The following SCLT1 variants were observed in gnomAD, a reference collection of about 807,000 sequenced individuals.
SCLT1 encodes sodium channel-associated protein 1.
In SCLT1, 78 loss-of-function variants were observed where a neutral mutation model predicts 112.8. The ratio of observed to expected loss-of-function variants is 0.69; its 90% confidence interval spans 0.58 to 0.83. SCLT1 has a LOEUF of 0.83. Among genes scored for constraint, SCLT1 ranks in the 40% least tolerant of loss-of-function variants. The pLI is 0.00. For missense variants in SCLT1, 747 were observed against 770.4 expected, an observed-to-expected ratio of 0.97 and a Z score of 0.36; for synonymous variants, 257 against 254.7, an observed-to-expected ratio of 1.01 and a Z score of -0.09.
intron 1 of SCLT1, among the ~76,000 whole-genome samples, chr4:129,085,858 G>C (rs1326549600): frequency 6.6e-6 from 1 of 152,068 alleles, no homozygotes; most frequent in Non-Finnish European, 1.5e-5. Flanking sequence ...CCTATTGGAG[G>C]GTGAAGGGTG....
chr4:129,069,476 CT>C (rs1236863926), intron 2 of SCLT1, among the ~76,000 whole-genome samples: 1 of 147,524 alleles, frequency 6.8e-6, no homozygotes, highest in Non-Finnish European at 1.5e-5. Flanking sequence ...TGTACTTTGA[CT>C]ACTTTGTTAG....
chr4:128,908,564 A>T (rs1316497584), intron 18 of SCLT1, among the ~76,000 whole-genome samples: 1 of 152,056 alleles, frequency 6.6e-6, no homozygotes, highest in Non-Finnish European at 1.5e-5. Flanking sequence ...TCATGTGTTC[A>T]TTCATTTATT....
intron 5 of SCLT1, among the ~76,000 whole-genome samples, chr4:129,010,948 A>C (rs1744466448): frequency 6.6e-6 from 1 of 152,178 alleles, no homozygotes; most frequent in Non-Finnish European, 1.5e-5. Flanking sequence ...AGGACTTCCA[A>C]TACTATGTCA....
chr4:128,952,676 G>T, intron 14 of SCLT1, 93 bp downstream of exon 14: 1 of 805,684 alleles, frequency 1.2e-6, no homozygotes, highest in Non-Finnish European at 2.1e-6. Flanking sequence ...GGTTTAATAA[G>T]TATCTTTTGA....
At chr4:129,049,149 T>C (rs2125708137) in intron 2 of SCLT1, among the ~76,000 whole-genome samples, 1 of 152,002 alleles carries the variant, frequency 6.6e-6, no homozygotes, top group South Asian at 2.1e-4. Context: ...CAAAGGACTA[T>C]AAATCATGCT....
chr4:129,022,930 A>T (rs1745625482), intron 5 of SCLT1, among the ~76,000 whole-genome samples: 1 of 152,236 alleles, frequency 6.6e-6, no homozygotes, highest in Non-Finnish European at 1.5e-5. Flanking sequence ...GAAACTCATT[A>T]GACTAACAGC....
At chr4:129,021,014 G>A (rs1280062734) in intron 5 of SCLT1, among the ~76,000 whole-genome samples, 4 of 152,168 alleles carry the variant, frequency 2.6e-5, no homozygotes, top group East Asian at 1.9e-4. Context: ...CAAGACCAAC[G>A]CAGAAGGAAG....
chr4:128,947,750 T>C (rs1025023821), intron 15 of SCLT1, among the ~76,000 whole-genome samples: 8 of 152,220 alleles, frequency 5.3e-5, no homozygotes, highest in African/African-American at 1.9e-4. Flanking sequence ...GTTCTCCCTA[T>C]AGTTTTTCTG....
intron 1 of SCLT1, among the ~76,000 whole-genome samples, chr4:129,082,934 GT>G (rs1752069022): frequency 6.6e-6 from 1 of 152,086 alleles, no homozygotes; most frequent in East Asian, 1.9e-4. Context: ...ACTCATGCCT[GT>G]AATCCTAGCA....
chr4:128,931,085 A>G (rs571846318), intron 18 of SCLT1, among the ~76,000 whole-genome samples: 33 of 152,178 alleles, frequency 2.2e-4, no homozygotes, highest in Non-Finnish European at 4.1e-4. Context: ...AGGCATAGGC[A>G]TCTAAAAGCC....
intron 2 of SCLT1, among the ~76,000 whole-genome samples, chr4:129,051,021 G>A (rs1253209491): frequency 1.4e-5 from 2 of 140,168 alleles, no homozygotes; most frequent in Admixed American, 7.3e-5. Context: ...GTTTATTGAA[G>A]ATCAGATGGT....
intron 20 of SCLT1, among the ~76,000 whole-genome samples, chr4:128,888,211 GT>G (rs1225748538): frequency 8.7e-4 from 125 of 144,050 alleles, no homozygotes; most frequent in Middle Eastern, 3.6e-3. Context: ...TGTCTTTTCT[GT>G]TTTTTTTTTT....
At position 129,043,410 on chromosome 4, in the gene SCLT1, C is replaced by T; in HGVS notation, c.219G>A (p.Gln73=). ...GATTTCATACCTGGTAATATTTCAG[C>T]TGCCCATTTAGTTCTCCTAGGTGTT... ...YDKHLGELNG[Q]LKYYQKQVGE... Residue 73 remains glutamine, a synonymous_variant, in exon 4 of 21, where the codon CAG becomes CAA. Transcript: ENST00000281142. The T allele has an allele frequency of 6.6e-7, 1 of 1,519,494 alleles. No homozygotes were observed. Among genetic ancestry groups the T allele is most frequent in the East Asian group, 2.3e-5 (1 of 44,074 alleles). 94.1% of individuals were successfully genotyped at this position (1,519,494 alleles called of 1,614,324 possible). A position where few individuals can be genotyped will look rare whatever the true frequency, so the allele number is the denominator to read the frequency against.
intron 12 of SCLT1, 46 bp from the exon 13 acceptor site, chr4:128,957,170 T>A: frequency 8.4e-7 from 1 of 1,187,150 alleles, no homozygotes; most frequent in South Asian, 1.3e-5. Context: ...TTATTATTAG[T>A]AAAGATAATA....
intron 4 of SCLT1, among the ~76,000 whole-genome samples, chr4:129,042,769 C>A (rs1747814535): frequency 6.6e-6 from 1 of 152,148 alleles, no homozygotes; most frequent in Admixed American, 6.5e-5. Flanking sequence ...TCACTTCAGC[C>A]TTCTGAGTAG....
chr4:128,971,160 AT>A (rs1163531507), intron 9 of SCLT1: 1 of 152,172 alleles, frequency 6.6e-6, no homozygotes, highest in Non-Finnish European at 1.5e-5. Flanking sequence ...ATAATTAAGC[AT>A]TAAGTGAGTA....
chr4:129,070,437 C>G (rs1466243123), intron 2 of SCLT1, among the ~76,000 whole-genome samples: 1 of 151,890 alleles, frequency 6.6e-6, no homozygotes, highest in Non-Finnish European at 1.5e-5. Flanking sequence ...AATCTCGCTG[C>G]TTGTTATCAA....
intron 19 of SCLT1, 29 bp from the exon 20 acceptor site, chr4:128,888,803 G>T: frequency 1.5e-6 from 2 of 1,368,992 alleles, no homozygotes. Flanking sequence ...AAACAAGTTA[G>T]AAATCCATAT....
intron 18 of SCLT1, among the ~76,000 whole-genome samples, chr4:128,913,837 T>G (rs1735276394): frequency 6.6e-6 from 1 of 152,220 alleles, no homozygotes; most frequent in African/African-American, 2.4e-5. Flanking sequence ...AATTAATGTT[T>G]GTCTCCCCTA....
Sources: gnomAD v4.1 joint callset for allele counts (sites outside exome capture counted in the v4.1 genomes callset) on GRCh38, gnomAD v4.1.1 for gene constraint, MANE v1.5 for transcripts, NCBI Gene and HGNC (gene_info 2026-07-23, HGNC 2026-07-21) for gene names.